ABCA13: variants seen among roughly 807,000 people sequenced by gnomAD.
ABCA13 encodes ATP-binding cassette sub-family A member 13.
In ABCA13, 476 loss-of-function variants were observed where a neutral mutation model predicts 478.7. The observed-to-expected ratio is 0.99, with a 90% CI of 0.92 to 1.07. The LOEUF (loss-of-function observed/expected upper bound fraction) is 1.07. Ranked by LOEUF, ABCA13 falls within the 50% of genes least tolerant of loss-of-function variation. ABCA13 has a pLI of 0.00. For synonymous variants in ABCA13, 2,252 were observed against 2,158.9 expected (o/e 1.04, Z -1.20); for missense variants, 6,060 against 5,910.6 (o/e 1.03, Z -0.83).
At chr7:48,313,537 A>T (rs1403312039) in intron 25 of ABCA13, among the ~76,000 whole-genome samples, 1 of 152,250 alleles carries the variant, frequency 6.6e-6, no homozygotes, top group African/African-American at 2.4e-5. Context: ...TGAGATTTCA[A>T]GGGCCTGTTT....
At chr7:48,593,739 A>G (rs192106135) in intron 57 of ABCA13, among the ~76,000 whole-genome samples, 1,532 of 134,424 alleles carry the variant, frequency 0.011, 17 homozygotes, top group Non-Finnish European at 0.017. Context: ...TTTTTTTTTT[A>G]TAAGACAGGT....
chr7:48,308,329 G>A (rs1052399318), intron 23 of ABCA13, among the ~76,000 whole-genome samples: 5 of 152,086 alleles, frequency 3.3e-5, no homozygotes, highest in African/African-American at 9.7e-5. Context: ...TGAGGGACTT[G>A]CCTGTGGCTG....
intron 39 of ABCA13, among the ~76,000 whole-genome samples, chr7:48,405,417 G>C (rs1355960932): frequency 6.6e-6 from 1 of 152,334 alleles, no homozygotes; most frequent in East Asian, 1.9e-4. Context: ...AGATCAAGAA[G>C]ACTCCTGACT....
intron 1 of ABCA13, among the ~76,000 whole-genome samples, chr7:48,184,631 C>T (rs771268260): frequency 2.0e-5 from 3 of 151,982 alleles, no homozygotes; most frequent in Non-Finnish European, 2.9e-5. Flanking sequence ...TCCAGCCTGG[C>T]TAACATGGTG....
At position 48,522,151 on chromosome 7, in the gene ABCA13, G is replaced by A. The variant is rs894264715; in HGVS notation, c.14051+1857G>A. ...CTATGTTGGTTTATGGTATCGATATGCTACTCATAATTGAATCTTGCAAGA... is the reference window on the plus strand; with the variant it reads ...CTATGTTGGTTTATGGTATCGATATACTACTCATAATTGAATCTTGCAAGA... On this transcript the variant is annotated intron_variant, in intron 53 of 61. Coordinates refer to ENST00000435803, the MANE Select transcript of ABCA13 (RefSeq NM_152701.5). Among the ~76,000 whole-genome samples, 8 of 152,122 alleles carry A rather than the reference G, an allele frequency of 5.3e-5. No individual in the cohort carries two copies. In the South Asian group the frequency reaches 1.7e-3, roughly 32 times the overall value.
intron 55 of ABCA13, among the ~76,000 whole-genome samples, chr7:48,562,485 G>C (rs556909829): frequency 6.6e-6 from 1 of 152,270 alleles, no homozygotes; most frequent in South Asian, 2.1e-4. Context: ...ATGAAACAAA[G>C]AGAAGAGCTG....
chr7:48,520,245 CT>C lies in ABCA13; in HGVS notation c.14004del (p.Leu4669SerfsTer3). The C allele has an allele frequency of 6.2e-7, 1 of 1,613,506 alleles. No homozygotes were observed. Among genetic ancestry groups the C allele is most frequent in the Non-Finnish European group, 8.5e-7 (1 of 1,179,700 alleles). On this transcript the variant is annotated frameshift_variant, in exon 53 of 62. Coordinates refer to ENST00000435803, the MANE Select transcript of ABCA13 (RefSeq NM_152701.5). LOFTEE classifies it high-confidence loss of function. ...FVQLASQGTV[L>X]LLLRVLLHWD... is the part of the protein sequence containing the mutation. The stretch of plus-strand genomic sequence containing the variant: ...GCAACTGGCCTCGCAGGGCACAGTA[CT>C]TCTCCTCTTGAGGGTTCTGCTACAC...
intron 1 of ABCA13, 134 bp downstream of exon 1, chr7:48,171,686 T>C: frequency 1.0e-6 from 1 of 1,000,626 alleles, no homozygotes. Flanking sequence ...GGAGGTTGGA[T>C]TATTTTAAAT....
intron 1 of ABCA13, among the ~76,000 whole-genome samples, chr7:48,172,762 C>A (rs1045145644): frequency 7.5e-6 from 1 of 133,260 alleles, no homozygotes; most frequent in African/African-American, 2.9e-5. Context: ...CGCGCCACTG[C>A]ACTCCAGCCT....
intron 44 of ABCA13, among the ~76,000 whole-genome samples, chr7:48,470,152 T>C (rs1827328942): frequency 6.6e-6 from 1 of 152,224 alleles, no homozygotes; most frequent in Non-Finnish European, 1.5e-5. Flanking sequence ...TGATTTCTCA[T>C]AGATCATCCC....
At chr7:48,183,845 G>A (rs1172867750) in intron 1 of ABCA13, among the ~76,000 whole-genome samples, 3 of 151,790 alleles carry the variant, frequency 2.0e-5, no homozygotes, top group Middle Eastern at 3.4e-3. Flanking sequence ...TTTTTCTTTC[G>A]CAAGTAATGT....
chr7:48,215,386 T>C (rs1786296959), intron 3 of ABCA13, among the ~76,000 whole-genome samples: 1 of 152,106 alleles, frequency 6.6e-6, no homozygotes, highest in Admixed American at 6.6e-5. Flanking sequence ...CCCCGAGCAA[T>C]TATGATAGTA....
At chr7:48,233,985 A>C (rs1216445928) in intron 7 of ABCA13, 33 bp from the exon 8 acceptor site, 1 of 1,610,788 alleles carries the variant, frequency 6.2e-7, no homozygotes, top group Non-Finnish European at 8.5e-7. Context: ...TATTCAAACA[A>C]CTGCTGGTGT....
At chr7:48,243,415 G>T (rs374920873) in intron 10 of ABCA13, among the ~76,000 whole-genome samples, 9 of 152,302 alleles carry the variant, frequency 5.9e-5, no homozygotes, top group African/African-American at 1.9e-4. Flanking sequence ...TTCTGCAGAT[G>T]GCCAATTCCA....
At chr7:48,462,283 A>C (rs4917146) in intron 43 of ABCA13, among the ~76,000 whole-genome samples, 3 of 151,928 alleles carry the variant, frequency 2.0e-5, no homozygotes, top group Non-Finnish European at 4.4e-5. Context: ...AGGCATTAAG[A>C]AGTTCTAAAG....
rs1833091960 is a variant in ABCA13 at position 48,529,605 on chromosome 7, G to C, written c.14354+1260G>C. ...GTTATATGTTCTTGACCCTAGTTTT[G>C]TAGCAATGAATATGGCAAATAAAAA... On this transcript the variant is annotated intron_variant, in intron 55 of 61. Transcript: ENST00000435803. Among the ~76,000 whole-genome samples, 3 of 152,256 alleles carry C rather than the reference G, an allele frequency of 2.0e-5. No homozygotes were observed. In the South Asian group the frequency reaches 6.2e-4, roughly 32 times the overall value.
rs2131713436 is a variant in ABCA13 at position 48,646,555 on chromosome 7, T to A, written c.*1043T>A. ...TTTTTTTTGAGGCGGAGTCTCGCTC[T>A]GTCACCCAGGCTGGAGTGCAGTGGC... On this transcript the variant is annotated 3_prime_UTR_variant, in exon 62 of 62. Transcript: ENST00000435803. 1 of 152,088 alleles carries A rather than the reference T, an allele frequency of 6.6e-6. No homozygotes were observed. The highest frequency in any genetic ancestry group is 2.1e-4 in the South Asian group (1 of 4,812). The allele number at this position is 152,088 out of a possible 1,614,324, so 9.4% of individuals were successfully genotyped here.
intron 1 of ABCA13, among the ~76,000 whole-genome samples, chr7:48,175,996 A>T (rs1300473062): frequency 2.0e-5 from 3 of 152,288 alleles, no homozygotes; most frequent in Admixed American, 2.0e-4. Context: ...TTAATATTGA[A>T]CAGAGCAGCT....
chr7:48,389,180 GC>G lies in ABCA13; in HGVS notation c.11617del (p.Leu3873CysfsTer16), dbSNP rs756588292. On this transcript the variant is annotated frameshift_variant, in exon 37 of 62. Transcript: ENST00000435803. LOFTEE classifies it high-confidence loss of function. ...SLTFYRDQIT[A>X]LLGTNGAGKT... is the part of the protein sequence containing the mutation. The stretch of plus-strand genomic sequence containing the variant: ...GACCTTCTACAGAGACCAAATCACC[GC>G]CCTGCTGGGGACAAACGGTGCCGGG... 3.1e-6 allele frequency: 5 copies of G among 1,613,884 alleles called. No individual in the cohort carries two copies. Among genetic ancestry groups the G allele is most frequent in the Non-Finnish European group, 3.4e-6 (4 of 1,179,816 alleles).
Sources: allele counts gnomAD v4.1 joint callset (sites outside exome capture counted in the v4.1 genomes callset), GRCh38; gene constraint gnomAD v4.1.1; transcripts MANE v1.5; gene names NCBI Gene and HGNC (gene_info 2026-07-23, HGNC 2026-07-21).